The following HOXC4 variants were observed in gnomAD, a reference collection of about 807,000 sequenced individuals.
HOXC4 encodes the protein homeobox C4, also known as homeobox protein Hox-C4.
A neutral mutation model predicts 25.5 loss-of-function variants in HOXC4; 15 were observed. The observed-to-expected ratio is 0.59, with a 90% CI of 0.39 to 0.91. The LOEUF (loss-of-function observed/expected upper bound fraction) is 0.91, where lower values mean the gene tolerates loss of function less well. Ranked by LOEUF, HOXC4 falls within the 40% of genes least tolerant of loss-of-function variation. The pLI, the probability that HOXC4 is intolerant of heterozygous loss-of-function variation, is 0.00. For synonymous variants in HOXC4, 165 were observed against 148.0 expected (o/e 1.11, Z -0.83); for missense variants, 342 against 352.4 (o/e 0.97, Z 0.24).
intron 1 of HOXC4, chr12:54,020,993 G>T (rs1165338270): frequency 1.3e-5 from 2 of 152,398 alleles, no homozygotes; most frequent in East Asian, 3.9e-4. Flanking sequence ...GGCATGGTGG[G>T]GCTGCAAGCA....
chr12:54,052,503 C>G (rs1447600720), upstream of HOXC4, among the ~76,000 whole-genome samples: 1 of 152,120 alleles, frequency 6.6e-6, no homozygotes, highest in East Asian at 1.9e-4. Context: ...TCCGCTACCC[C>G]CCGCAACTCT....
intron 1 of HOXC4, among the ~76,000 whole-genome samples, chr12:54,044,835 C>T (rs988282137): frequency 6.6e-6 from 1 of 152,122 alleles, no homozygotes; most frequent in South Asian, 2.1e-4. Flanking sequence ...GAGTCTTCCC[C>T]TCCTAAGGAT....
Position 54,055,129 on chromosome 12 carries a change from C to A in HOXC4, c.719C>A (p.Pro240Gln). The A allele has an allele frequency of 6.2e-7, 1 of 1,613,382 alleles. No homozygotes were observed. The highest frequency in any genetic ancestry group is 1.1e-5 in the South Asian group (1 of 90,970). Residue 240 changes from proline to glutamine, a missense_variant, in exon 2 of 2, where the codon CCG (proline) becomes CAG (glutamine). Coordinates refer to ENST00000430889, the MANE Select transcript of HOXC4 (RefSeq NM_153633.3). ...AAPSTLSAAT[P>Q]GTSEDHSQSA... ...CCCAGCACCCTTTCGGCAGCTACCC[C>A]GGGTACTTCTGAAGACCACTCCCAG...
intron 1 of HOXC4, chr12:54,033,926 T>G (rs1264988839): frequency 7.8e-6 from 3 of 385,444 alleles, no homozygotes; most frequent in Non-Finnish European, 1.5e-5. Context: ...CGCCGGCGCT[T>G]GCGGCTCCGG....
intron 1 of HOXC4, among the ~76,000 whole-genome samples, chr12:54,026,954 C>G (rs544464973): frequency 9.5e-6 from 1 of 104,768 alleles, no homozygotes; most frequent in South Asian, 2.7e-4. Flanking sequence ...CCCAACCCAC[C>G]CAAAAATGGT....
At chr12:54,029,654 G>T in intron 1 of HOXC4, 1 of 1,610,630 alleles carries the variant, frequency 6.2e-7, no homozygotes, top group Non-Finnish European at 8.5e-7. Context: ...CGGATCTTTA[G>T]GGGTCGGCTA....
chr12:54,020,970 G>C (rs1302489025), intron 1 of HOXC4: 1 of 152,248 alleles, frequency 6.6e-6, no homozygotes, highest in Non-Finnish European at 1.5e-5. Flanking sequence ...AGTTCTGCGG[G>C]ATTCTTTTCA....
Position 54,043,968 on chromosome 12 carries a change from T to TGTG in HOXC4, c.-123-9192_-123-9191insGTG, listed in dbSNP as rs1565750575. On this transcript the variant is annotated intron_variant, in intron 1 of 3. Transcript: ENST00000303406. ...TGTGTGTGTGTGTGTGTGTGTGTGT[T>TGTG]TAGGGAGTAGTAAGGGTCAGGTCTT... Among the ~76,000 whole-genome samples, 389 of 60,492 alleles carry TGTG rather than the reference T, an allele frequency of 6.4e-3. 8 individuals are homozygous for TGTG. The highest frequency in any genetic ancestry group is 0.013 in the East Asian group (21 of 1,560). 39.7% of individuals were successfully genotyped at this position (60,492 alleles called of 152,430 possible).
chr12:54,017,004 T>C (rs908213977), exon 1 of HOXC4: 5 of 152,054 alleles, frequency 3.3e-5, no homozygotes, highest in African/African-American at 4.8e-5. Context: ...TTTTCCCCCA[T>C]TTAATTTTTT....
intron 1 of HOXC4, chr12:54,033,592 TC>T: frequency 1.3e-6 from 2 of 1,535,208 alleles, no homozygotes; most frequent in Non-Finnish European, 1.8e-6. Context: ...CTTTAGGACT[TC>T]ATTTTGCGCT....
Position 54,054,178 on chromosome 12 carries a change from G to T in HOXC4, c.256G>T (p.Ala86Ser), listed in dbSNP as rs778427054. The change falls in exon 1 of 2, where the codon GCG (alanine) becomes TCG (serine). Residue 86 changes from alanine to serine, a missense_variant. Transcript: ENST00000430889. ...GNSRGHGPAQ[A>S]GHHHPEKSQS... ...TTCGCGAGGCCACGGGCCGGCCCAG[G>T]CGGGCCACCACCACCCCGAGAAATC... 1.9e-6 allele frequency: 3 copies of T among 1,613,584 alleles called. No homozygotes were observed. In the South Asian group the frequency reaches 3.3e-5, roughly 18 times the overall value.
rs200007816 is a variant in HOXC4 at position 54,028,259 on chromosome 12, ATATATATATT to A, written c.-124+10847_-124+10856del. 5.9e-3 allele frequency: 997 copies of A among 168,380 alleles called. 5 individuals carry two copies. The highest frequency in any genetic ancestry group is 0.019 in the Middle Eastern group (8 of 428). The allele number at this position is 168,380 out of a possible 1,614,324, so 10.4% of individuals were successfully genotyped here. On this transcript the variant is annotated intron_variant, in intron 1 of 3. Transcript: ENST00000303406. ...CCAGTTCCCTTACATATATATATAT[ATATATATATT>A]TTTTAAAAGAAATCCAAGTCTTACT...
At chr12:54,046,661 A>ATAAG (rs1246674582) in intron 1 of HOXC4, among the ~76,000 whole-genome samples, 3 of 152,008 alleles carry the variant, frequency 2.0e-5, no homozygotes, top group African/African-American at 7.3e-5. Flanking sequence ...AAATGAGAGA[A>ATAAG]TAAGTGGAAA....
At chr12:54,025,063 G>A (rs1410132769) in intron 1 of HOXC4, among the ~76,000 whole-genome samples, 1 of 152,188 alleles carries the variant, frequency 6.6e-6, no homozygotes, top group African/African-American at 2.4e-5. Context: ...AGGCTAAGGG[G>A]CCAGAGCAGT....
intron 1 of HOXC4, chr12:54,047,969 G>C (rs1393497219): frequency 6.6e-6 from 1 of 152,208 alleles, no homozygotes; most frequent in Non-Finnish European, 1.5e-5. Context: ...GGTTTGAGGG[G>C]ATGGAGGGAG....
At chr12:54,028,478 T>G (rs761024445) in intron 1 of HOXC4, 4 of 1,578,772 alleles carry the variant, frequency 2.5e-6, no homozygotes, top group Non-Finnish European at 3.4e-6. Context: ...GAGACAGAAA[T>G]AAATATTAAA....
At chr12:54,051,315 G>T (rs1160021962), upstream of HOXC4, among the ~76,000 whole-genome samples, 1 of 152,038 alleles carries the variant, frequency 6.6e-6, no homozygotes, top group African/African-American at 2.4e-5. Context: ...GGACTTCCCG[G>T]TGGAGCCATC....
intron 1 of HOXC4, among the ~76,000 whole-genome samples, chr12:54,024,032 A>C (rs1940569123): frequency 6.6e-6 from 1 of 152,242 alleles, no homozygotes; most frequent in African/African-American, 2.4e-5. Context: ...ATTTCTAAAT[A>C]AAAAAGTCTA....
chr12:54,031,687 C>T (rs10747689), intron 1 of HOXC4, among the ~76,000 whole-genome samples: 44,761 of 152,050 alleles, frequency 0.29, 7,543 homozygotes, highest in East Asian at 0.44. Context: ...CCCTCCAGCG[C>T]CCCCACCCTC....
Sources: allele counts gnomAD v4.1 joint callset (sites outside exome capture counted in the v4.1 genomes callset), GRCh38; gene constraint gnomAD v4.1.1; transcripts MANE v1.5; gene names NCBI Gene and HGNC (gene_info 2026-07-23, HGNC 2026-07-21).